The following EFCAB8 variants were observed in gnomAD, a reference collection of about 807,000 sequenced individuals.
The protein encoded by EFCAB8 is EF-hand calcium binding domain 8, also known as EF-hand calcium-binding domain-containing protein 8.
A neutral mutation model predicts 116.3 loss-of-function variants in EFCAB8; 100 were observed. The ratio of observed to expected loss-of-function variants is 0.86; its 90% CI spans 0.73 to 1.02. The LOEUF is 1.02. Among genes scored for constraint, EFCAB8 ranks in the 50% least tolerant of loss-of-function variants. The probability of loss-of-function intolerance (pLI) is 0.00; values close to 1 mark genes in which losing one functional copy is unlikely to be tolerated. For synonymous variants in EFCAB8, 558 were observed against 567.9 expected (o/e 0.98, Z 0.25); for missense variants, 1,320 against 1,416.9 (o/e 0.93, Z 1.10).
In EFCAB8 at chr20:32,961,718, C is replaced by T. The variant is rs904592266; in HGVS notation, c.*109C>T. The T allele has an allele frequency of 4.4e-5, 28 of 635,264 alleles. No individual in the cohort carries two copies. Among genetic ancestry groups the T allele is most frequent in the Non-Finnish European group, 6.0e-5 (26 of 436,350 alleles). The allele number at this position is 635,264 out of a possible 1,614,324, so 39.4% of individuals were successfully genotyped here. A position where few individuals can be genotyped will look rare whatever the true frequency, so the allele number is the denominator to read the frequency against. ...GACCCAGAGGATGTGGCTCTTCCCC[C>T]GGCCACCCCACTGGGCCTCTCTGGG... On this transcript the variant is annotated 3_prime_UTR_variant, in exon 27 of 27. Coordinates refer to ENST00000400522, the MANE Select transcript of EFCAB8 (RefSeq NM_001143967.2).
intron 19 of EFCAB8, 117 bp downstream of exon 19, chr20:32,918,691 C>G: frequency 1.0e-6 from 1 of 992,170 alleles, no homozygotes; most frequent in Non-Finnish European, 1.5e-6. Flanking sequence ...GCCTTTAGGT[C>G]CCTCAACTCA....
At chr20:32,957,782 G>A (rs935829888) in intron 23 of EFCAB8, among the ~76,000 whole-genome samples, 1 of 150,092 alleles carries the variant, frequency 6.7e-6, no homozygotes, top group Non-Finnish European at 1.5e-5. Flanking sequence ...GAGTGCCCCC[G>A]AGACAAGAAA....
chr20:32,863,861 T>TA (rs1984254262), intron 2 of EFCAB8, 27 bp downstream of exon 2: 1 of 1,550,656 alleles, frequency 6.4e-7, no homozygotes, highest in Middle Eastern at 1.7e-4. Context: ...TCTGAACTAA[T>TA]AAAGGGTGGG....
In EFCAB8 at chr20:32,951,572, G is replaced by A. The variant is rs369174343; in HGVS notation, c.2960-6849G>A. ...TAGGGGGCTGATGAGGGTTGGAAGG[G>A]TGGGAGCTCAAAGAAGCAGGAAGAA... On this transcript the variant is annotated intron_variant, in intron 23 of 26. Transcript: ENST00000400522. Among the ~76,000 whole-genome samples, 507 of 152,320 alleles carry A rather than the reference G, an allele frequency of 3.3e-3. 5 individuals are homozygous for A. Among genetic ancestry groups the A allele is most frequent in the Middle Eastern group, 0.017 (5 of 294 alleles).
intron 5 of EFCAB8, among the ~76,000 whole-genome samples, chr20:32,883,415 C>T (rs956890672): frequency 2.0e-5 from 3 of 152,170 alleles, no homozygotes; most frequent in African/African-American, 7.2e-5. Context: ...GAGAATTTGT[C>T]CCTGCCAGCT....
intron 11 of EFCAB8, 74 bp from the exon 12 acceptor site, chr20:32,906,488 C>G: frequency 1.4e-6 from 1 of 713,828 alleles, no homozygotes. Context: ...TCCTCCCACC[C>G]CAGGCTCAGT....
At chr20:32,878,372 G>A (rs1414997399) in intron 4 of EFCAB8, among the ~76,000 whole-genome samples, 1 of 152,084 alleles carries the variant, frequency 6.6e-6, no homozygotes, top group East Asian at 1.9e-4. Context: ...CAGCCTGAGT[G>A]ACAAACAGAG....
chr20:32,923,946 A>C (rs188043683), intron 20 of EFCAB8, among the ~76,000 whole-genome samples: 2 of 152,346 alleles, frequency 1.3e-5, no homozygotes, highest in Admixed American at 1.3e-4. Flanking sequence ...CTAGGATTAG[A>C]AACATACTCC....
At chr20:32,897,347 C>T (rs565469307) in intron 10 of EFCAB8, among the ~76,000 whole-genome samples, 47 of 152,206 alleles carry the variant, frequency 3.1e-4, no homozygotes, top group Non-Finnish European at 5.4e-4. Flanking sequence ...TAGTACCCTG[C>T]GCTTGGTGGG....
intron 23 of EFCAB8, among the ~76,000 whole-genome samples, chr20:32,950,309 A>G (rs992337551): frequency 6.6e-6 from 1 of 152,356 alleles, no homozygotes; most frequent in South Asian, 2.1e-4. Flanking sequence ...TTTAGAATAT[A>G]TAAACTCTCA....
At position 32,911,610 on chromosome 20, in the gene EFCAB8, G is replaced by A. The variant is rs938295889; in HGVS notation, c.1688G>A (p.Arg563Gln). The A allele has an allele frequency of 1.2e-5, 18 of 1,551,636 alleles. 1 individual carries two copies. Among genetic ancestry groups the A allele is most frequent in the Middle Eastern group, 1.7e-4 (1 of 5,992 alleles). ...GCCATGGCCCTGGATGAGTCAGAGC[G>A]GTGCCTGCTCACAGGTTTGCGGGAT... ...MTAMALDESE[R>Q]CLLTGLRDGT... The change falls in exon 16 of 27, where the codon CGG (arginine) becomes CAG (glutamine). Residue 563 changes from arginine to glutamine, a missense_variant. By Grantham distance (43) the Arg-to-Gln change is conservative. Transcript: ENST00000400522.
intron 11 of EFCAB8, 62 bp downstream of exon 11, chr20:32,898,685 G>A (rs965207651): frequency 4.3e-6 from 3 of 699,596 alleles, no homozygotes; most frequent in Non-Finnish European, 2.7e-6. Flanking sequence ...GTGGTGAGTG[G>A]ACCATGGGGG....
intron 22 of EFCAB8, among the ~76,000 whole-genome samples, chr20:32,932,691 C>T (rs1342181498): frequency 6.6e-6 from 1 of 152,166 alleles, no homozygotes; most frequent in Non-Finnish European, 1.5e-5. Flanking sequence ...TGCATAGCAG[C>T]ACTATCCCAT....
At chr20:32,905,936 C>T (rs6141847) in intron 11 of EFCAB8, among the ~76,000 whole-genome samples, 1 of 151,964 alleles carries the variant, frequency 6.6e-6, no homozygotes, top group Non-Finnish European at 1.5e-5. Flanking sequence ...GTAGCATGTC[C>T]TAAACCCCAT....
chr20:32,915,358 G>A (rs890503824), intron 17 of EFCAB8, among the ~76,000 whole-genome samples: 1 of 152,166 alleles, frequency 6.6e-6, no homozygotes, highest in Non-Finnish European at 1.5e-5. Flanking sequence ...AGTTCTACCT[G>A]TCTCAAAACA....
intron 23 of EFCAB8, among the ~76,000 whole-genome samples, chr20:32,956,869 C>T (rs1371463093): frequency 6.6e-6 from 1 of 151,510 alleles, no homozygotes. Context: ...TTCTCTCTCT[C>T]CTCTCATTGT....
intron 16 of EFCAB8, 96 bp from the exon 17 acceptor site, chr20:32,912,698 T>C (rs973226664): frequency 2.8e-6 from 2 of 701,986 alleles, no homozygotes; most frequent in African/African-American, 1.8e-5. Context: ...ATCCAGAGAT[T>C]TGACTTCTTG....
chr20:32,957,330 A>C (rs74967441), intron 23 of EFCAB8, among the ~76,000 whole-genome samples: 1 of 150,960 alleles, frequency 6.6e-6, no homozygotes, highest in African/African-American at 2.5e-5. Context: ...AAAAAAAAAA[A>C]CCCAAAACTT....
chr20:32,915,059 T>A (rs771550569), intron 17 of EFCAB8, among the ~76,000 whole-genome samples: 1 of 152,086 alleles, frequency 6.6e-6, no homozygotes, highest in Non-Finnish European at 1.5e-5. Context: ...CACCATGCCT[T>A]GCTAATTAAA....
Sources: gnomAD v4.1 joint callset for allele counts (sites outside exome capture counted in the v4.1 genomes callset) on GRCh38, gnomAD v4.1.1 for gene constraint, MANE v1.5 for transcripts, NCBI Gene and HGNC (gene_info 2026-07-23, HGNC 2026-07-21) for gene names.